MARK2: variants seen among roughly 807,000 people sequenced by gnomAD.
MARK2 encodes microtubule affinity regulating kinase 2.
Under a neutral mutation model 89.8 loss-of-function variants are expected in MARK2, and 16 were observed. The ratio of observed to expected loss-of-function variants is 0.18; its 90% CI spans 0.12 to 0.27. MARK2 has a LOEUF of 0.27. Ranked by LOEUF, MARK2 falls within the 10% of genes least tolerant of loss-of-function variation. The pLI, the probability that MARK2 is intolerant of heterozygous loss-of-function variation, is 1.00. For missense variants in MARK2, 621 were observed against 1,049.9 expected (o/e 0.59, Z 5.65); for synonymous variants, 382 against 399.5 (o/e 0.96, Z 0.52).
chr11:63,890,089 C>T (rs1018481130), intron 1 of MARK2: 10 of 432,482 alleles, frequency 2.3e-5, no homozygotes, highest in African/African-American at 1.4e-4. Flanking sequence ...CCACTGCATA[C>T]TCTTACCTCT....
chr11:63,904,792 C>A lies in MARK2; in HGVS notation c.1683C>A (p.Ala561=). The A allele has an allele frequency of 6.2e-7, 1 of 1,613,940 alleles. No individual in the cohort carries two copies. The highest frequency in any genetic ancestry group is 8.5e-7 in the Non-Finnish European group (1 of 1,179,880). The part of the protein sequence containing the change: ...SNCEVPRPST[A]PQRVPVASPS... The stretch of plus-strand genomic sequence containing the variant: ...CCCACTTCTCTTCCCACAGCACAGC[C>A]CCCCAGCGTGTCCCTGTTGCCTCCC... The change falls in exon 16 of 19, where the codon GCC becomes GCA. Residue 561 remains alanine, a synonymous_variant. Transcript: ENST00000402010. This position sits in a 1 kb window ranked among gnomAD's most constrained non-coding sequence, Gnocchi z 6.3.
At chr11:63,856,768 G>GGTTTTTTTTTTTTTTTTTTTTTTTTTTTT (rs1565100741) in intron 1 of MARK2, among the ~76,000 whole-genome samples, 1 of 53,796 alleles carries the variant, frequency 1.9e-5, no homozygotes, top group African/African-American at 7.3e-5. Flanking sequence ...AATTTTTCAT[G>GGTTTTTTTTTTTTTTTTTTTTTTTTTTTT]TTTTTTTTTT....
At chr11:63,901,473 C>CCTTTT (rs1255460357) in intron 11 of MARK2, among the ~76,000 whole-genome samples, 1 of 57,696 alleles carries the variant, frequency 1.7e-5, no homozygotes, top group South Asian at 9.1e-4. Context: ...GAGTCTGTTG[C>CCTTTT]TTTTTTTTTT....
At chr11:63,907,312 C>T (rs1386187095) in intron 17 of MARK2, among the ~76,000 whole-genome samples, 1 of 152,210 alleles carries the variant, frequency 6.6e-6, no homozygotes, top group Non-Finnish European at 1.5e-5. Flanking sequence ...GGGGCTGCCC[C>T]ACAGGGGGTC....
rs1007423486 is a variant in MARK2, at chr11:63,898,218, A to G, written c.289-14A>G. On this transcript the variant is annotated splice_polypyrimidine_tract_variant and intron_variant, in intron 3 of 18. Coordinates refer to ENST00000402010, the MANE Select transcript of MARK2 (RefSeq NM_001039469.3). ...AAGTTGGGCAGGCATGACCCCTGGTATTTTATCTTCCAGCTATTCCGCGAA... is the reference window on the plus strand; with the variant it reads ...AAGTTGGGCAGGCATGACCCCTGGTGTTTTATCTTCCAGCTATTCCGCGAA... 5 of 1,612,742 alleles carry G rather than the reference A, an allele frequency of 3.1e-6. No homozygotes were observed. The highest frequency in any genetic ancestry group is 2.7e-5 in the African/African-American group (2 of 74,896).
At chr11:63,843,299 C>T (rs1419351462) in intron 1 of MARK2, among the ~76,000 whole-genome samples, 2 of 152,168 alleles carry the variant, frequency 1.3e-5, no homozygotes, top group African/African-American at 4.8e-5. Flanking sequence ...GTCCAGCTTC[C>T]AGAGTTCACC....
rs368147180 is a variant in MARK2 at position 63,904,948 on chromosome 11, C to T, written c.1839C>T (p.Tyr613=). 152 of 1,614,104 alleles carry T rather than the reference C, an allele frequency of 9.4e-5. No homozygotes were observed. Among genetic ancestry groups the T allele is most frequent in the Non-Finnish European group, 1.2e-4 (138 of 1,180,048 alleles). ...RQVRDQQNLP[Y]GVTPASPSGH... Reference sequence around the variant, plus strand: ...TGCGGGACCAGCAGAATTTGCCCTACGGTGTGACCCCAGCCTCTCCCTCTG... The same window carrying T: ...TGCGGGACCAGCAGAATTTGCCCTATGGTGTGACCCCAGCCTCTCCCTCTG... Residue 613 remains tyrosine, a synonymous_variant, in exon 16 of 19, where the codon TAC becomes TAT. Coordinates refer to ENST00000402010, the MANE Select transcript of MARK2 (RefSeq NM_001039469.3). The surrounding 1 kb of genome is among the most constrained non-coding windows in gnomAD (Gnocchi z 6.3).
At chr11:63,857,403 A>ACTCCTTAC (rs1428119779) in intron 1 of MARK2, among the ~76,000 whole-genome samples, 1 of 147,052 alleles carries the variant, frequency 6.8e-6, no homozygotes, top group Non-Finnish European at 1.5e-5. Context: ...CTGGTCTCGA[A>ACTCCTTAC]CTCCTTACCT....
chr11:63,843,688 G>A (rs989892034), intron 1 of MARK2, among the ~76,000 whole-genome samples: 3 of 151,484 alleles, frequency 2.0e-5, no homozygotes, highest in African/African-American at 4.9e-5. Context: ...GTAGCGATGC[G>A]ATCTCGGCTC....
At position 63,890,288 on chromosome 11, in the gene MARK2, G is replaced by A. The variant is rs71454584; in HGVS notation, c.55-4871G>A. 3.0e-6 allele frequency: 4 copies of A among 1,344,788 alleles called. 1 individual carries two copies. In the South Asian group the frequency reaches 3.5e-5, roughly 12 times the overall value. The allele number at this position is 1,344,788 out of a possible 1,614,324, so 83.3% of individuals were successfully genotyped here. On this transcript the variant is annotated intron_variant, in intron 1 of 18. Transcript: ENST00000402010. ...AACATCTTACAGCATAGAAGAAGGG[G>A]TGCAGGGGTAAGTAAGGGAAGGATT... is the stretch of plus-strand genomic sequence containing the variant.
chr11:63,887,809 G>A (rs1279662567), intron 1 of MARK2, among the ~76,000 whole-genome samples: 1 of 152,200 alleles, frequency 6.6e-6, no homozygotes, highest in Non-Finnish European at 1.5e-5. Context: ...TTAGCAGGAG[G>A]AAGGTGTGAG....
At chr11:63,901,422 G>GGTGGGTGTGTGTGTGT (rs1554985349) in intron 11 of MARK2, among the ~76,000 whole-genome samples, 78 of 139,696 alleles carry the variant, frequency 5.6e-4, no homozygotes, top group African/African-American at 2.1e-3. Flanking sequence ...TACATTTCTG[G>GGTGGGTGTGTGTGTGT]GTGTGTGTGT....
At chr11:63,859,840 C>T (rs865925027) in intron 1 of MARK2, among the ~76,000 whole-genome samples, 1 of 152,172 alleles carries the variant, frequency 6.6e-6, no homozygotes, top group Admixed American at 6.5e-5. Context: ...CCATGATGGC[C>T]AGGCTGGTCT....
At chr11:63,907,247 C>T (rs903433937) in intron 17 of MARK2, among the ~76,000 whole-genome samples, 3 of 152,208 alleles carry the variant, frequency 2.0e-5, no homozygotes, top group Non-Finnish European at 2.9e-5. Flanking sequence ...TCCCCTCCTC[C>T]TCCCACCCAG....
At chr11:63,907,072 G>T (rs1227993249) in intron 17 of MARK2, among the ~76,000 whole-genome samples, 1 of 152,026 alleles carries the variant, frequency 6.6e-6, no homozygotes, top group Non-Finnish European at 1.5e-5. Context: ...CTCTCTGCAG[G>T]CCTCGGGGAC....
rs536708351 is a variant in MARK2 at position 63,904,285 on chromosome 11, C to T, written c.1676+138C>T. ...CCACAAGAAATGGGTCTGTCCCCTGCGGCCAGGAAGTGGAGGGAACAAAAA... is the reference window on the plus strand; with the variant it reads ...CCACAAGAAATGGGTCTGTCCCCTGTGGCCAGGAAGTGGAGGGAACAAAAA... On this transcript the variant is annotated intron_variant, in intron 15 of 18. Transcript: ENST00000402010. The surrounding 1 kb of genome is among the most constrained non-coding windows in gnomAD (Gnocchi z 6.3). The T allele has an allele frequency of 5.8e-5, 42 of 729,104 alleles. No homozygotes were observed. Among genetic ancestry groups the T allele is most frequent in the Non-Finnish European group, 7.5e-5 (35 of 466,488 alleles). The allele number at this position is 729,104 out of a possible 1,614,324, so 45.2% of individuals were successfully genotyped here.
At chr11:63,865,124 C>T (rs1337488787) in intron 1 of MARK2, among the ~76,000 whole-genome samples, 2 of 152,178 alleles carry the variant, frequency 1.3e-5, no homozygotes, top group African/African-American at 2.4e-5. Flanking sequence ...CTCCTGGCGT[C>T]AAGCAACCTA....
chr11:63,871,240 C>T (rs1297236087), intron 1 of MARK2, among the ~76,000 whole-genome samples: 1 of 152,162 alleles, frequency 6.6e-6, no homozygotes, highest in Non-Finnish European at 1.5e-5. Context: ...GTTGGTGCTC[C>T]CCCCACCGCC....
At chr11:63,841,928 C>A (rs981654309) in intron 1 of MARK2, among the ~76,000 whole-genome samples, 1 of 152,212 alleles carries the variant, frequency 6.6e-6, no homozygotes, top group Non-Finnish European at 1.5e-5. Flanking sequence ...TCCACTGATT[C>A]CATGATAGCA....
Sources: allele counts gnomAD v4.1 joint callset (sites outside exome capture counted in the v4.1 genomes callset), GRCh38; gene constraint gnomAD v4.1.1; non-coding constraint Gnocchi (gnomAD v3.1); transcripts MANE v1.5; gene names NCBI Gene and HGNC (gene_info 2026-07-23, HGNC 2026-07-21).